The following LRFN2 variants were observed in gnomAD, a reference collection of about 807,000 sequenced individuals.
The protein encoded by LRFN2 is leucine rich repeat and fibronectin type III domain containing 2, also known as leucine-rich repeat and fibronectin type-III domain-containing protein 2.
A neutral mutation model predicts 37.3 loss-of-function variants in LRFN2; 18 were observed. The ratio of observed to expected loss-of-function variants is 0.48; its 90% CI spans 0.33 to 0.72. The LOEUF is 0.72. LRFN2 is among the 30% of genes least tolerant of loss of function. The probability of loss-of-function intolerance (pLI) is 0.02; values close to 1 mark genes in which losing one functional copy is unlikely to be tolerated. For missense variants in LRFN2, 1,006 were observed against 1,060.7 expected, an observed-to-expected ratio of 0.95 and a Z score of 0.72; for synonymous variants, 556 against 466.6, an observed-to-expected ratio of 1.19 and a Z score of -2.47.
intron 1 of LRFN2, among the ~76,000 whole-genome samples, chr6:40,545,679 T>C (rs2113918986): frequency 1.3e-5 from 2 of 150,980 alleles, no homozygotes; most frequent in Admixed American, 1.3e-4. Context: ...GAGAGGAAAG[T>C]GGGACAGGGA....
intron 2 of LRFN2, among the ~76,000 whole-genome samples, chr6:40,399,061 A>G (rs1246618383): frequency 2.0e-5 from 3 of 151,880 alleles, no homozygotes; most frequent in South Asian, 2.1e-4. Flanking sequence ...GAGGCACTGG[A>G]GAGAGAGACT....
At chr6:40,527,176 T>C (rs968081410) in intron 1 of LRFN2, among the ~76,000 whole-genome samples, 5 of 152,224 alleles carry the variant, frequency 3.3e-5, no homozygotes, top group Admixed American at 2.6e-4. Flanking sequence ...TTCTTTGCAC[T>C]GGAGAGCTAT....
chr6:40,481,701 G>A (rs116774147), intron 1 of LRFN2, among the ~76,000 whole-genome samples: 203 of 152,266 alleles, frequency 1.3e-3, no homozygotes, highest in African/African-American at 4.8e-3. Context: ...GTCCCTTCCA[G>A]TTGCCCAGTG....
chr6:40,419,448 GAAATC>G (rs1330113459), intron 2 of LRFN2, among the ~76,000 whole-genome samples: 3 of 152,180 alleles, frequency 2.0e-5, no homozygotes, highest in Non-Finnish European at 1.5e-5. Flanking sequence ...AGAGAAGATT[GAAATC>G]AGAACTGGAG....
chr6:40,495,555 A>C (rs112968063), intron 1 of LRFN2, among the ~76,000 whole-genome samples: 5 of 152,060 alleles, frequency 3.3e-5, no homozygotes, highest in Non-Finnish European at 7.4e-5. Context: ...TTCAGTCCTC[A>C]TCTTGTCCAC....
chr6:40,577,840 T>A (rs2473587), intron 1 of LRFN2, among the ~76,000 whole-genome samples: 2,520 of 39,480 alleles, frequency 0.064, 87 homozygotes, highest in African/African-American at 0.2. Context: ...TAAATAAAAA[T>A]AAAAGATCCA....
chr6:40,538,357 C>T (rs764112927), intron 1 of LRFN2, among the ~76,000 whole-genome samples: 48 of 152,290 alleles, frequency 3.2e-4, no homozygotes, highest in Non-Finnish European at 5.9e-4. Context: ...CCCTGCCACC[C>T]ACTACCTTCC....
At chr6:40,406,619 T>G (rs1421522484) in intron 2 of LRFN2, among the ~76,000 whole-genome samples, 1 of 152,186 alleles carries the variant, frequency 6.6e-6, no homozygotes, top group Non-Finnish European at 1.5e-5. Flanking sequence ...TTCCAGGACA[T>G]GCCAGGCAGT....
intron 1 of LRFN2, among the ~76,000 whole-genome samples, chr6:40,505,502 A>G (rs1443404893): frequency 6.6e-6 from 1 of 152,226 alleles, no homozygotes; most frequent in Non-Finnish European, 1.5e-5. Context: ...AGTCAATTAC[A>G]GCTACAGCTG....
At chr6:40,438,317 C>A (rs1304373998) in intron 1 of LRFN2, among the ~76,000 whole-genome samples, 1 of 152,124 alleles carries the variant, frequency 6.6e-6, no homozygotes, top group African/African-American at 2.4e-5. Context: ...TCTTCACAAC[C>A]CCACAAGGTG....
intron 1 of LRFN2, among the ~76,000 whole-genome samples, chr6:40,499,334 G>A (rs996658009): frequency 9.9e-5 from 15 of 152,210 alleles, no homozygotes; most frequent in Admixed American, 9.2e-4. Context: ...AGACCCAGTG[G>A]CCGGGGATTT....
chr6:40,451,041 G>A (rs3004076), intron 1 of LRFN2, among the ~76,000 whole-genome samples: 138,055 of 152,096 alleles, frequency 0.91, 64,146 homozygotes, highest in Non-Finnish European at 1. Context: ...CTTTGATATT[G>A]TTGTTTCCTC....
intron 1 of LRFN2, among the ~76,000 whole-genome samples, chr6:40,465,937 C>A (rs984747862): frequency 2.0e-5 from 3 of 152,038 alleles, no homozygotes; most frequent in East Asian, 1.9e-4. Flanking sequence ...GGGGTGGAGA[C>A]GGTAACTGGT....
intron 1 of LRFN2, among the ~76,000 whole-genome samples, chr6:40,542,500 A>C (rs776613625): frequency 6.6e-6 from 1 of 152,034 alleles, no homozygotes; most frequent in Non-Finnish European, 1.5e-5. Context: ...ATACACAGAC[A>C]TCCCAGCTTC....
chr6:40,537,393 T>C (rs1766469279), intron 1 of LRFN2, among the ~76,000 whole-genome samples: 1 of 152,196 alleles, frequency 6.6e-6, no homozygotes, highest in African/African-American at 2.4e-5. Context: ...CCACAGGTTC[T>C]GCGTGTGCCC....
At chr6:40,476,791 G>C (rs577191812) in intron 1 of LRFN2, among the ~76,000 whole-genome samples, 1 of 152,232 alleles carries the variant, frequency 6.6e-6, no homozygotes, top group South Asian at 2.1e-4. Flanking sequence ...GAGAGCAGGC[G>C]TGACCCACAG....
At chr6:40,480,835 G>T (rs1764811617) in intron 1 of LRFN2, among the ~76,000 whole-genome samples, 1 of 152,190 alleles carries the variant, frequency 6.6e-6, no homozygotes, top group Non-Finnish European at 1.5e-5. Flanking sequence ...TCATTAAATG[G>T]TAGCTATTAT....
intron 1 of LRFN2, among the ~76,000 whole-genome samples, chr6:40,511,375 G>T (rs898338554): frequency 4.6e-5 from 7 of 152,196 alleles, no homozygotes; most frequent in Non-Finnish European, 8.8e-5. Context: ...ACTTGGACAG[G>T]TCATTGATTG....
rs79755820 is a variant in LRFN2, at chr6:40,482,719, C to A, written c.-18-49588G>T. On this transcript the variant is annotated intron_variant, in intron 1 of 2. Coordinates refer to ENST00000338305, the MANE Select transcript of LRFN2 (RefSeq NM_020737.3). ...TGCGCCCTCCTTCTGCACACCCCTCCGCCCTCGCCCTGCCCATCTCAGCTC... is the reference window on the plus strand; with the variant it reads ...TGCGCCCTCCTTCTGCACACCCCTCAGCCCTCGCCCTGCCCATCTCAGCTC... Among the ~76,000 whole-genome samples the A allele has an allele frequency of 5.0e-3, 755 of 152,358 alleles. 4 individuals are homozygous for A. The highest frequency in any genetic ancestry group is 0.01 in the Middle Eastern group (3 of 294).
Sources: allele counts gnomAD v4.1 joint callset (sites outside exome capture counted in the v4.1 genomes callset), GRCh38; gene constraint gnomAD v4.1.1; transcripts MANE v1.5; gene names NCBI Gene and HGNC (gene_info 2026-07-23, HGNC 2026-07-21).